Variants in CNTLN observed in about 807,000 individuals in gnomAD.
CNTLN encodes centlein.
Under a neutral mutation model 180.0 loss-of-function variants are expected in CNTLN, and 212 were observed. The observed-to-expected ratio is 1.18, with a 90% confidence interval of 1.05 to 1.32. The LOEUF is 1.32. CNTLN is among the 40% of genes most tolerant of loss of function. The pLI, the probability that CNTLN is intolerant of heterozygous loss-of-function variation, is 0.00. For synonymous variants in CNTLN, 722 were observed against 563.1 expected, an observed-to-expected ratio of 1.28 and a Z score of -3.99; for missense variants, 2,095 against 1,610.9, an observed-to-expected ratio of 1.30 and a Z score of -5.14.
chr9:17,238,395 T>C (rs117931598), intron 5 of CNTLN, among the ~76,000 whole-genome samples: 427 of 152,286 alleles, frequency 2.8e-3, no homozygotes, highest in Non-Finnish European at 4.7e-3. Context: ...AGCAGCAAGA[T>C]TGTTCACTGA....
At chr9:17,277,953 C>T (rs1828418658) in intron 6 of CNTLN, among the ~76,000 whole-genome samples, 1 of 152,022 alleles carries the variant, frequency 6.6e-6, no homozygotes, top group Non-Finnish European at 1.5e-5. Flanking sequence ...AAATGCTGAC[C>T]ATCGATTATC....
At chr9:17,300,470 T>G (rs1818268114) in intron 7 of CNTLN, 1 of 152,204 alleles carries the variant, frequency 6.6e-6, no homozygotes, top group African/African-American at 2.4e-5. Flanking sequence ...AGCTATTGCC[T>G]TTTATGTTTT....
chr9:17,493,818 G>C (rs998250735), intron 25 of CNTLN, among the ~76,000 whole-genome samples: 1 of 152,216 alleles, frequency 6.6e-6, no homozygotes, highest in Non-Finnish European at 1.5e-5. Flanking sequence ...AGAAATCCAT[G>C]TTCAGCACGT....
intron 6 of CNTLN, among the ~76,000 whole-genome samples, chr9:17,295,817 T>C (rs1040890880): frequency 6.6e-6 from 1 of 152,120 alleles, no homozygotes; most frequent in Non-Finnish European, 1.5e-5. Context: ...GAAATAAACA[T>C]ATCTACATAG....
At chr9:17,171,568 G>A (rs938365328) in intron 2 of CNTLN, among the ~76,000 whole-genome samples, 6 of 152,128 alleles carry the variant, frequency 3.9e-5, no homozygotes, top group Admixed American at 2.6e-4. Context: ...TTTCTCTTGT[G>A]CAGGAAGTTG....
At chr9:17,284,931 G>A (rs894217353) in intron 6 of CNTLN, among the ~76,000 whole-genome samples, 3 of 151,732 alleles carry the variant, frequency 2.0e-5, no homozygotes, top group African/African-American at 7.3e-5. Flanking sequence ...GCTTTAGCTG[G>A]ATCCCAGAGA....
At chr9:17,299,425 T>TA in intron 7 of CNTLN, 1 of 969,398 alleles carries the variant, frequency 1.0e-6, no homozygotes, top group Non-Finnish European at 1.2e-6. Flanking sequence ...CCTCTAGAAT[T>TA]ACTGGATTTT....
Position 17,456,779 on chromosome 9 carries a change from A to G in CNTLN, c.3115-745A>G, listed in dbSNP as rs569645858. 3.3e-5 allele frequency among the ~76,000 whole-genome samples: 5 copies of G among 152,260 alleles called. No individual in the cohort carries two copies. The East Asian group carries it at 9.7e-4, about 29-fold the overall frequency. ...AGCAGCTCTGAGTTGTTATGCCATT[A>G]TAGTTTGGTGACATTCTGCTCACTA... On this transcript the variant is annotated intron_variant, in intron 18 of 25. Coordinates refer to ENST00000380647, the MANE Select transcript of CNTLN (RefSeq NM_017738.4).
At chr9:17,379,298 G>A (rs182307691) in intron 13 of CNTLN, among the ~76,000 whole-genome samples, 1 of 151,630 alleles carries the variant, frequency 6.6e-6, no homozygotes, top group African/African-American at 2.4e-5. Flanking sequence ...TTCCTTAAAT[G>A]CATGTGCTGA....
intron 13 of CNTLN, among the ~76,000 whole-genome samples, chr9:17,384,892 A>G (rs1225110700): frequency 6.6e-6 from 1 of 152,168 alleles, no homozygotes; most frequent in African/African-American, 2.4e-5. Flanking sequence ...ATTCAGTTCA[A>G]TTCTAGCTAC....
rs1199769765 is a variant in CNTLN at position 17,480,080 on chromosome 9, C to G, written c.3856-4215C>G. On this transcript the variant is annotated intron_variant, in intron 23 of 25. Coordinates refer to ENST00000380647, the MANE Select transcript of CNTLN (RefSeq NM_017738.4). ...TGGGCTCATGCTTGTAATCCCAACA[C>G]TTTTCAAGGCCAAGACAGGATGATC... Among the ~76,000 whole-genome samples the G allele has an allele frequency of 3.3e-5, 5 of 152,134 alleles. No homozygotes were observed. In the East Asian group the frequency reaches 7.7e-4, roughly 24 times the overall value.
intron 1 of CNTLN, among the ~76,000 whole-genome samples, chr9:17,136,241 T>C (rs1187863841): frequency 6.6e-6 from 1 of 152,210 alleles, no homozygotes; most frequent in Non-Finnish European, 1.5e-5. Context: ...GGAAACTCAC[T>C]GAACAGTAGA....
chr9:17,350,956 A>G (rs535609799), intron 12 of CNTLN, among the ~76,000 whole-genome samples: 2 of 152,312 alleles, frequency 1.3e-5, no homozygotes, highest in Admixed American at 1.3e-4. Context: ...GTTCATAGCA[A>G]TCAATATTTT....
At chr9:17,295,061 C>A (rs950654568) in intron 6 of CNTLN, among the ~76,000 whole-genome samples, 19 of 152,002 alleles carry the variant, frequency 1.2e-4, no homozygotes, top group African/African-American at 4.3e-4. Flanking sequence ...GCACTGTCCG[C>A]GGCTGCTGGC....
intron 2 of CNTLN, among the ~76,000 whole-genome samples, chr9:17,147,068 C>G (rs528722539): frequency 6.6e-6 from 1 of 152,142 alleles, no homozygotes; most frequent in East Asian, 1.9e-4. Context: ...TATGGGTTTG[C>G]TTTGTGTTTT....
At chr9:17,414,030 A>C (rs1378698429) in intron 16 of CNTLN, among the ~76,000 whole-genome samples, 1 of 152,228 alleles carries the variant, frequency 6.6e-6, no homozygotes, top group Non-Finnish European at 1.5e-5. Flanking sequence ...TCTCAGCAAT[A>C]AAAAGGAGCT....
intron 12 of CNTLN, among the ~76,000 whole-genome samples, chr9:17,348,897 G>A (rs1822140318): frequency 6.6e-6 from 1 of 152,074 alleles, no homozygotes; most frequent in South Asian, 2.1e-4. Flanking sequence ...GTTGATTATG[G>A]CTGGAGTAGG....
At chr9:17,377,188 A>G (rs559192962) in intron 13 of CNTLN, among the ~76,000 whole-genome samples, 1 of 152,346 alleles carries the variant, frequency 6.6e-6, no homozygotes, top group East Asian at 1.9e-4. Flanking sequence ...TCACATTTTT[A>G]AAAGCCATGG....
At chr9:17,498,599 A>G (rs1833581079) in intron 25 of CNTLN, among the ~76,000 whole-genome samples, 1 of 152,180 alleles carries the variant, frequency 6.6e-6, no homozygotes, top group Admixed American at 6.5e-5. Flanking sequence ...CTATGCCAAG[A>G]AATTTCACTC....
Sources: allele counts gnomAD v4.1 joint callset (sites outside exome capture counted in the v4.1 genomes callset), GRCh38; gene constraint gnomAD v4.1.1; transcripts MANE v1.5; gene names NCBI Gene and HGNC (gene_info 2026-07-23, HGNC 2026-07-21).